Variants in CADM2 observed in about 807,000 individuals in gnomAD.
CADM2 encodes immunoglobulin superfamily member 4D.
In CADM2, 12 loss-of-function variants were observed where a neutral mutation model predicts 49.8. The ratio of observed to expected loss-of-function variants is 0.24; its 90% CI spans 0.15 to 0.39. The LOEUF (loss-of-function observed/expected upper bound fraction) is 0.39, where lower values mean the gene tolerates loss of function less well. Among genes scored for constraint, CADM2 ranks in the 10% least tolerant of loss-of-function variants. CADM2 has a pLI of 1.00. For synonymous variants in CADM2, 214 were observed against 175.4 expected, an observed-to-expected ratio of 1.22 and a Z score of -1.74; for missense variants, 378 against 492.3, an observed-to-expected ratio of 0.77 and a Z score of 2.20.
chr3:85,955,078 T>A (rs967115112), intron 7 of CADM2, among the ~76,000 whole-genome samples: 2 of 151,420 alleles, frequency 1.3e-5, no homozygotes, highest in Admixed American at 1.3e-4. Context: ...AGTTACTGAC[T>A]ATATGATTCT....
chr3:85,197,362 A>C (rs183472410), intron 1 of CADM2, among the ~76,000 whole-genome samples: 9 of 152,096 alleles, frequency 5.9e-5, no homozygotes, highest in Non-Finnish European at 1.0e-4. Context: ...AAAATGTATT[A>C]GAAATTTTAT....
chr3:85,454,983 G>T (rs1037652525), intron 1 of CADM2, among the ~76,000 whole-genome samples: 2 of 152,192 alleles, frequency 1.3e-5, no homozygotes, highest in Non-Finnish European at 2.9e-5. Flanking sequence ...ATTGCAGATA[G>T]AAATCTTATG....
intron 1 of CADM2, among the ~76,000 whole-genome samples, chr3:85,675,400 G>C (rs1314135091): frequency 6.6e-6 from 1 of 152,098 alleles, no homozygotes; most frequent in Non-Finnish European, 1.5e-5. Context: ...TTCTGTTTCA[G>C]AAAATGATAT....
chr3:85,319,331 A>G (rs2044543933), intron 1 of CADM2, among the ~76,000 whole-genome samples: 1 of 152,230 alleles, frequency 6.6e-6, no homozygotes, highest in Admixed American at 6.5e-5. Context: ...AGGAATGCTT[A>G]TAGACTGTTG....
chr3:85,663,042 A>T (rs1577042463), intron 1 of CADM2, among the ~76,000 whole-genome samples: 1 of 152,056 alleles, frequency 6.6e-6, no homozygotes, highest in Non-Finnish European at 1.5e-5. Flanking sequence ...ATTTCATGGA[A>T]TATGCAATTT....
At chr3:85,331,690 C>A (rs1007128735) in intron 1 of CADM2, among the ~76,000 whole-genome samples, 1 of 151,946 alleles carries the variant, frequency 6.6e-6, no homozygotes, top group Admixed American at 6.6e-5. Flanking sequence ...ATTTGAGGAA[C>A]CTCCATACTG....
intron 1 of CADM2, among the ~76,000 whole-genome samples, chr3:85,059,108 A>G (rs1199599818): frequency 6.6e-6 from 1 of 151,746 alleles, no homozygotes; most frequent in Non-Finnish European, 1.5e-5. Context: ...GAGTGGTGGC[A>G]GGTGCCTGTA....
chr3:85,169,237 A>T (rs1010361502), intron 1 of CADM2, among the ~76,000 whole-genome samples: 3 of 151,768 alleles, frequency 2.0e-5, no homozygotes, highest in Admixed American at 2.0e-4. Context: ...CAAGTGATCC[A>T]CTCACCTTGG....
At chr3:85,649,911 G>A (rs933093769) in intron 1 of CADM2, among the ~76,000 whole-genome samples, 1 of 152,080 alleles carries the variant, frequency 6.6e-6, no homozygotes, top group Non-Finnish European at 1.5e-5. Flanking sequence ...GTGTGGAAGA[G>A]GATTAGTGAG....
chr3:85,600,670 GT>G, intron 1 of CADM2, among the ~76,000 whole-genome samples: 1 of 151,574 alleles, frequency 6.6e-6, no homozygotes, highest in Middle Eastern at 3.4e-3. Flanking sequence ...TTTAAATACG[GT>G]TAACTTTCAG....
At chr3:85,215,665 T>G (rs2041908488) in intron 1 of CADM2, among the ~76,000 whole-genome samples, 1 of 152,068 alleles carries the variant, frequency 6.6e-6, no homozygotes, top group African/African-American at 2.4e-5. Context: ...TTCTTGAGGC[T>G]TAGATGGGCT....
At chr3:85,869,654 A>ATTG (rs2075845510) in intron 3 of CADM2, among the ~76,000 whole-genome samples, 1 of 151,216 alleles carries the variant, frequency 6.6e-6, no homozygotes, top group African/African-American at 2.4e-5. Context: ...CATTTTTTAT[A>ATTG]TTGTTATTAT....
At chr3:85,163,802 T>G (rs1438292284) in intron 1 of CADM2, among the ~76,000 whole-genome samples, 1 of 152,078 alleles carries the variant, frequency 6.6e-6, no homozygotes, top group Admixed American at 6.6e-5. Context: ...ATTTACCCAA[T>G]TAAAGTGTAC....
Position 85,448,332 on chromosome 3 carries a change from CAAAAAAAA to C in CADM2, c.62-278174_62-278167del, listed in dbSNP as rs57338759. Among the ~76,000 whole-genome samples the C allele has an allele frequency of 1.6e-3, 209 of 129,036 alleles. 2 individuals are homozygous for C. The highest frequency in any genetic ancestry group is 4.2e-3 in the Middle Eastern group (1 of 238). 84.7% of individuals were successfully genotyped at this position (129,036 alleles called of 152,430 possible). On this transcript the variant is annotated intron_variant, in intron 1 of 9. Transcript: ENST00000383699. The stretch of plus-strand genomic sequence containing the variant: ...TGGGCGACAGAGCAAGATTCCGTCT[CAAAAAAAA>C]AAAAAAAAAAAAAAATCCTAGCAAA...
At chr3:85,487,957 A>G (rs1353251816) in intron 1 of CADM2, among the ~76,000 whole-genome samples, 2 of 152,186 alleles carry the variant, frequency 1.3e-5, no homozygotes, top group Non-Finnish European at 2.9e-5. Context: ...CCCATTTTAC[A>G]ATAGATATAA....
At chr3:85,141,569 A>T (rs1000364323) in intron 1 of CADM2, among the ~76,000 whole-genome samples, 1 of 152,206 alleles carries the variant, frequency 6.6e-6, no homozygotes, top group African/African-American at 2.4e-5. Context: ...ATTATATATC[A>T]TGTGTCAAAC....
At chr3:85,716,906 G>A (rs1309515236) in intron 1 of CADM2, among the ~76,000 whole-genome samples, 1 of 152,148 alleles carries the variant, frequency 6.6e-6, no homozygotes, top group African/African-American at 2.4e-5. Context: ...TAGACTTGTA[G>A]CACAGTTTGA....
chr3:85,097,174 G>A (rs1049526045), intron 1 of CADM2, among the ~76,000 whole-genome samples: 23 of 152,018 alleles, frequency 1.5e-4, no homozygotes, highest in South Asian at 4.2e-4. Flanking sequence ...AACAGTCTGC[G>A]GAGTGTGATG....
intron 1 of CADM2, among the ~76,000 whole-genome samples, chr3:85,531,303 A>T (rs749035612): frequency 1.3e-5 from 2 of 152,210 alleles, no homozygotes; most frequent in Non-Finnish European, 2.9e-5. Context: ...TCTGAAAATG[A>T]GACCCAAGGA....
Sources: gnomAD v4.1 joint callset for allele counts (sites outside exome capture counted in the v4.1 genomes callset) on GRCh38, gnomAD v4.1.1 for gene constraint, MANE v1.5 for transcripts, NCBI Gene and HGNC (gene_info 2026-07-23, HGNC 2026-07-21) for gene names.